OSBPL8: variants seen among roughly 807,000 people sequenced by gnomAD.
The protein encoded by OSBPL8 is oxysterol binding protein like 8.
OSBPL8 carries 59 observed loss-of-function variants against 125.5 expected under a neutral mutation model. The ratio of observed to expected loss-of-function variants is 0.47; its 90% CI spans 0.38 to 0.58. OSBPL8 has a LOEUF of 0.58. Among genes scored for constraint, OSBPL8 ranks in the 20% least tolerant of loss-of-function variants. OSBPL8 has a pLI of 0.00. For synonymous variants in OSBPL8, 330 were observed against 338.9 expected (o/e 0.97, Z 0.29); for missense variants, 758 against 1,047.8 (o/e 0.72, Z 3.82).
At chr12:76,478,394 G>A (rs1592753329) in intron 2 of OSBPL8, among the ~76,000 whole-genome samples, 1 of 152,134 alleles carries the variant, frequency 6.6e-6, no homozygotes, top group African/African-American at 2.4e-5. Context: ...GTCTTAGAGA[G>A]TCTCAGAGTC....
At chr12:76,541,676 G>A (rs1055173230) in intron 1 of OSBPL8, among the ~76,000 whole-genome samples, 12 of 151,870 alleles carry the variant, frequency 7.9e-5, no homozygotes, top group East Asian at 3.9e-4. Context: ...CCAACATGGC[G>A]AAACCCTGTC....
chr12:76,408,461 CAAAAAAAAAAAA>C, intron 5 of OSBPL8, among the ~76,000 whole-genome samples: 1 of 73,270 alleles, frequency 1.4e-5, no homozygotes, highest in African/African-American at 5.4e-5. Flanking sequence ...GACTCCTTCT[CAAAAAAAAAAAA>C]AAAAAAAAAA....
At chr12:76,533,981 T>C (rs1368182843) in intron 1 of OSBPL8, among the ~76,000 whole-genome samples, 1 of 152,186 alleles carries the variant, frequency 6.6e-6, no homozygotes, top group Non-Finnish European at 1.5e-5. Flanking sequence ...ATATAATCAA[T>C]ATTATAATTG....
chr12:76,439,753 T>C (rs553544587), intron 4 of OSBPL8, among the ~76,000 whole-genome samples: 8 of 152,188 alleles, frequency 5.3e-5, no homozygotes, highest in Non-Finnish European at 8.8e-5. Flanking sequence ...AATCTGTTCA[T>C]TTCATTAAGT....
rs1319998232 is a variant in OSBPL8, at chr12:76,369,322, A to T, written c.2241-21T>A. 3 of 1,574,548 alleles carry T rather than the reference A, an allele frequency of 1.9e-6. No individual in the cohort carries two copies. In the African/African-American group the frequency reaches 4.2e-5, roughly 22 times the overall value. On this transcript the variant is annotated intron_variant, in intron 20 of 23. Transcript: ENST00000261183. ...GGGTACTACATAAATGAAAAAAAAA[A>T]AAACCATTTGCTCAATGACTAAACA...
intron 1 of OSBPL8, among the ~76,000 whole-genome samples, chr12:76,494,335 T>TG (rs1366698726): frequency 6.6e-6 from 1 of 152,172 alleles, no homozygotes; most frequent in East Asian, 1.9e-4. Context: ...GGGCACTGAC[T>TG]GGGTGGGAGT....
At chr12:76,386,356 T>C (rs1953313379) in intron 13 of OSBPL8, 90 bp from the exon 14 acceptor site, 3 of 1,452,712 alleles carry the variant, frequency 2.1e-6, no homozygotes, top group Admixed American at 2.8e-5. Flanking sequence ...AACTCTACCA[T>C]CTGGGAACCG....
intron 2 of OSBPL8, among the ~76,000 whole-genome samples, chr12:76,470,423 T>C (rs190357268): frequency 5.3e-4 from 81 of 152,362 alleles, no homozygotes; most frequent in African/African-American, 1.9e-3. Context: ...GAACTGGTTA[T>C]ATGAGACAGC....
At chr12:76,514,482 T>C (rs186920215) in intron 1 of OSBPL8, among the ~76,000 whole-genome samples, 2 of 152,260 alleles carry the variant, frequency 1.3e-5, no homozygotes, top group Admixed American at 6.5e-5. Context: ...TCTTTAAGTA[T>C]GTTGTAGGCC....
chr12:76,410,497 G>A (rs1954469200), intron 5 of OSBPL8, 67 bp downstream of exon 5: 1 of 1,162,684 alleles, frequency 8.6e-7, no homozygotes, highest in African/African-American at 1.5e-5. Flanking sequence ...TAGGATTTCA[G>A]TGTTAGTTCC....
Position 76,358,868 on chromosome 12 carries a change from A to T in OSBPL8, c.2329-57T>A. 3.0e-6 allele frequency: 4 copies of T among 1,320,400 alleles called. No homozygotes were observed. The South Asian group carries it at 3.6e-5, about 12-fold the overall frequency. 81.8% of individuals were successfully genotyped at this position (1,320,400 alleles called of 1,614,324 possible). A position where few individuals can be genotyped will look rare whatever the true frequency, so the allele number is the denominator to read the frequency against. On this transcript the variant is annotated intron_variant, in intron 21 of 23. Coordinates refer to ENST00000261183, the MANE Select transcript of OSBPL8 (RefSeq NM_020841.5). The stretch of plus-strand genomic sequence containing the variant: ...GCACTGTATTTTGGACTAAAGACCA[A>T]CTGTGTACAATTGTCAAAATTATCT...
At chr12:76,524,267 A>G (rs1335575423) in intron 1 of OSBPL8, among the ~76,000 whole-genome samples, 2 of 152,230 alleles carry the variant, frequency 1.3e-5, no homozygotes, top group Non-Finnish European at 2.9e-5. Context: ...TAGCAGGCAC[A>G]AAAATTTCAT....
At chr12:76,503,480 C>G (rs1018704247) in intron 1 of OSBPL8, among the ~76,000 whole-genome samples, 1 of 152,208 alleles carries the variant, frequency 6.6e-6, no homozygotes, top group Admixed American at 6.5e-5. Context: ...TTCTGAGGTG[C>G]TGGAAGTTCA....
intron 1 of OSBPL8, among the ~76,000 whole-genome samples, chr12:76,538,268 A>C (rs1950552516): frequency 6.6e-6 from 1 of 152,146 alleles, no homozygotes; most frequent in Admixed American, 6.5e-5. Context: ...ATCATGAATA[A>C]TTTTTCTTTT....
chr12:76,557,518 A>C (rs1246813735), intron 1 of OSBPL8, among the ~76,000 whole-genome samples: 2 of 151,920 alleles, frequency 1.3e-5, no homozygotes, highest in African/African-American at 4.8e-5. Flanking sequence ...AGGAGGCTGA[A>C]GCATAAGAAT....
intron 1 of OSBPL8, among the ~76,000 whole-genome samples, chr12:76,494,283 T>C (rs760785717): frequency 8.5e-5 from 13 of 152,162 alleles, no homozygotes; most frequent in Non-Finnish European, 1.8e-4. Flanking sequence ...GACTTTATAG[T>C]GGTTTTGGTA....
chr12:76,415,581 G>T (rs559332298), intron 4 of OSBPL8, among the ~76,000 whole-genome samples: 1 of 152,050 alleles, frequency 6.6e-6, no homozygotes, highest in African/African-American at 2.4e-5. Context: ...ATGGTTATTA[G>T]GACTATTCAG....
chr12:76,460,597 C>G (rs534328108), intron 2 of OSBPL8, among the ~76,000 whole-genome samples: 5 of 151,972 alleles, frequency 3.3e-5, no homozygotes, highest in African/African-American at 1.2e-4. Context: ...GTATTTGGAG[C>G]TAATGGTCTT....
intron 18 of OSBPL8, among the ~76,000 whole-genome samples, chr12:76,372,476 C>A (rs1031085505): frequency 1.7e-4 from 26 of 152,088 alleles, no homozygotes; most frequent in African/African-American, 6.3e-4. Context: ...GTGAGCCACC[C>A]CACCCAGACA....
Sources: allele counts gnomAD v4.1 joint callset (sites outside exome capture counted in the v4.1 genomes callset), GRCh38; gene constraint gnomAD v4.1.1; transcripts MANE v1.5; gene names NCBI Gene and HGNC (gene_info 2026-07-23, HGNC 2026-07-21).